The following ZNF133 variants were observed in gnomAD, a reference collection of about 807,000 sequenced individuals.
ZNF133 encodes the protein zinc finger protein 133 (clone pHZ-13).
In ZNF133, 26 loss-of-function variants were observed where a neutral mutation model predicts 54.9. That is an observed-to-expected ratio of 0.47 (90% CI 0.35 to 0.66). The LOEUF (loss-of-function observed/expected upper bound fraction) is 0.66. Among genes scored for constraint, ZNF133 ranks in the 30% least tolerant of loss-of-function variants. ZNF133 has a pLI of 0.01. For missense variants in ZNF133, 653 were observed against 820.8 expected (o/e 0.80, Z 2.50); for synonymous variants, 298 against 320.3 (o/e 0.93, Z 0.74).
intron 1 of ZNF133, among the ~76,000 whole-genome samples, chr20:18,294,266 G>C (rs2041757587): frequency 6.6e-6 from 1 of 152,084 alleles, no homozygotes; most frequent in Non-Finnish European, 1.5e-5. Context: ...TTCTAATCAT[G>C]AAAAAACATC....
At chr20:18,301,959 C>T (rs563316564) in intron 3 of ZNF133, among the ~76,000 whole-genome samples, 2 of 152,248 alleles carry the variant, frequency 1.3e-5, no homozygotes, top group East Asian at 3.9e-4. Context: ...AAAGACACTA[C>T]AAGAAAATTA....
Position 18,305,034 on chromosome 20 carries a change from A to G in ZNF133, c.-151A>G. The G allele has an allele frequency of 1.0e-6, 1 of 985,444 alleles. No individual in the cohort carries two copies. Among genetic ancestry groups the G allele is most frequent in the Non-Finnish European group, 1.2e-6 (1 of 829,960 alleles). 61.0% of individuals were successfully genotyped at this position (985,444 alleles called of 1,614,324 possible). Reference sequence around the variant, plus strand: ...GTGTCCTCCATTTGGAAGTAGTGCTAAGAAAATTAAAAGAATAAAACTGGG... The same window carrying G: ...GTGTCCTCCATTTGGAAGTAGTGCTGAGAAAATTAAAAGAATAAAACTGGG... On this transcript the variant is annotated 5_prime_UTR_variant, in exon 4 of 7. Coordinates refer to ENST00000425686, the MANE Select transcript of ZNF133 (RefSeq NM_001352452.2). The surrounding 1 kb of genome is among the most constrained non-coding windows in gnomAD (Gnocchi z 4.7).
intron 1 of ZNF133, among the ~76,000 whole-genome samples, chr20:18,294,712 C>T (rs1485752640): frequency 6.6e-6 from 1 of 152,132 alleles, no homozygotes; most frequent in East Asian, 1.9e-4. Context: ...GAGTATCTTA[C>T]ATGTAGAGAG....
chr20:18,304,317 A>G (rs994642578), intron 3 of ZNF133, among the ~76,000 whole-genome samples: 1 of 152,192 alleles, frequency 6.6e-6, no homozygotes, highest in Admixed American at 6.5e-5. Flanking sequence ...TGCGGGTGGG[A>G]ATGCAAAATG....
intron 6 of ZNF133, among the ~76,000 whole-genome samples, chr20:18,309,162 C>G (rs1022659800): frequency 6.6e-6 from 1 of 152,168 alleles, no homozygotes; most frequent in Non-Finnish European, 1.5e-5. Context: ...CCCACCCTTA[C>G]GACCTTATTT....
intron 3 of ZNF133, among the ~76,000 whole-genome samples, chr20:18,304,004 A>G (rs1780495489): frequency 6.6e-6 from 1 of 152,226 alleles, no homozygotes; most frequent in South Asian, 2.1e-4. Flanking sequence ...TGCAAGTCAC[A>G]TATCTGATAA....
chr20:18,301,343 T>C (rs1471811345), intron 3 of ZNF133, among the ~76,000 whole-genome samples: 1 of 151,902 alleles, frequency 6.6e-6, no homozygotes, highest in Admixed American at 6.6e-5. Context: ...CAACCTAATT[T>C]TACAACTTAG....
chr20:18,302,738 C>T (rs1267893658), intron 3 of ZNF133, among the ~76,000 whole-genome samples: 2 of 152,134 alleles, frequency 1.3e-5, no homozygotes, highest in East Asian at 1.9e-4. Context: ...TGGGAAAAAG[C>T]GAAGTTATCT....
chr20:18,315,538 G>C lies in ZNF133; in HGVS notation c.687G>C (p.Leu229=). The change falls in exon 7 of 7, where the codon CTG becomes CTC. Residue 229 remains leucine, a synonymous_variant. Transcript: ENST00000425686. ...CGLSFSKMTN[L]LSHQRIHSGE... is the part of the protein sequence containing the mutation. ...TGAGCTTCAGCAAGATGACAAACCT[G>C]CTCAGTCACCAGCGGATACACTCAG... is the stretch of plus-strand genomic sequence containing the variant. The C allele has an allele frequency of 6.2e-7, 1 of 1,614,204 alleles. No homozygotes were observed. Among genetic ancestry groups the C allele is most frequent in the Non-Finnish European group, 8.5e-7 (1 of 1,180,040 alleles).
Position 18,315,399 on chromosome 20 carries a change from G to A in ZNF133, c.548G>A (p.Gly183Glu), listed in dbSNP as rs372532330. 1.6e-5 allele frequency: 26 copies of A among 1,614,124 alleles called. No homozygotes were observed. The East Asian group carries it at 3.1e-4, about 19-fold the overall frequency. ...GTCAGCTCTCGGAACGGCCTCAGAG[G>A]GGTGGAGTTAGAAGCCAGCCCAGCT... ...QPVSSRNGLR[G>E]VELEASPAQS... Residue 183 changes from glycine to glutamate, a missense_variant, in exon 7 of 7, where the codon GGG (glycine) becomes GAG (glutamate). Gly to Glu is a moderately conservative substitution (Grantham distance 98, BLOSUM62 -2). This residue lies in a region of ZNF133 where 227 missense variants were observed against 233.9 expected (regional missense o/e 0.97). Coordinates refer to ENST00000425686, the MANE Select transcript of ZNF133 (RefSeq NM_001352452.2).
At position 18,315,284 on chromosome 20, in the gene ZNF133, G is replaced by A; in HGVS notation, c.433G>A (p.Gly145Ser). Residue 145 changes from glycine (G) to serine (S), a missense_variant, in exon 7 of 7, where the codon GGT becomes AGT. This residue lies in a region of ZNF133 where 227 missense variants were observed against 233.9 expected (regional missense o/e 0.97). Transcript: ENST00000425686. ...GAGACCCTGGAGTGATCAAGCAGAAGGTCCTGAGGGAGAAGGTGCCATGCC... is the reference window on the plus strand; with the variant it reads ...GAGACCCTGGAGTGATCAAGCAGAAAGTCCTGAGGGAGAAGGTGCCATGCC... Reference protein sequence around the residue: ...EGRPWSDQAEGPEGEGAMPLF... With the variant: ...EGRPWSDQAESPEGEGAMPLF... The A allele has an allele frequency of 6.2e-7, 1 of 1,614,094 alleles. No individual in the cohort carries two copies.
intron 1 of ZNF133, 47 bp downstream of exon 1, chr20:18,288,651 T>A (rs2040182389): frequency 5.0e-6 from 2 of 398,434 alleles, no homozygotes; most frequent in Non-Finnish European, 8.8e-6. Context: ...TACCCTTTTC[T>A]GCGCGAAAAG....
intron 6 of ZNF133, among the ~76,000 whole-genome samples, chr20:18,308,287 CTT>C (rs879706950): frequency 6.6e-6 from 1 of 152,032 alleles, no homozygotes; most frequent in South Asian, 2.1e-4. Flanking sequence ...ATTTTCTCCT[CTT>C]GTTTTTATTA....
At chr20:18,300,764 T>C (rs1008208699) in intron 3 of ZNF133, among the ~76,000 whole-genome samples, 7 of 152,034 alleles carry the variant, frequency 4.6e-5, no homozygotes, top group African/African-American at 1.7e-4. Flanking sequence ...CAAGAAGATA[T>C]AGAAATTATA....
intron 1 of ZNF133, among the ~76,000 whole-genome samples, chr20:18,296,945 A>G (rs2042348702): frequency 6.6e-6 from 1 of 152,134 alleles, no homozygotes; most frequent in African/African-American, 2.4e-5. Context: ...TTTTGTTTAG[A>G]GTCACTTTGG....
At chr20:18,294,699 A>C (rs1050778382) in intron 1 of ZNF133, among the ~76,000 whole-genome samples, 2 of 152,202 alleles carry the variant, frequency 1.3e-5, no homozygotes, top group Non-Finnish European at 1.5e-5. Context: ...GAGTTTTGGT[A>C]AAGAGTATCT....
chr20:18,316,120 A>T lies in ZNF133; in HGVS notation c.1269A>T (p.Ser423=). The change falls in exon 7 of 7, where the codon TCA becomes TCT. Residue 423 remains serine, a synonymous_variant. Transcript: ENST00000425686. ...GTGGGCACAGCTTCAGCCAGAATTCAACCCTCATCTCTCACAGGCGGACAC... is the reference window on the plus strand; with the variant it reads ...GTGGGCACAGCTTCAGCCAGAATTCTACCCTCATCTCTCACAGGCGGACAC... ...GVCGHSFSQN[S]TLISHRRTHT... 1 of 1,612,672 alleles carries T rather than the reference A, an allele frequency of 6.2e-7. No homozygotes were observed. Among genetic ancestry groups the T allele is most frequent in the Non-Finnish European group, 8.5e-7 (1 of 1,179,180 alleles).
chr20:18,305,144 TG>T lies in ZNF133; in HGVS notation c.-39del. The T allele has an allele frequency of 1.0e-6, 1 of 987,250 alleles. No individual in the cohort carries two copies. Among genetic ancestry groups the T allele is most frequent in the African/African-American group, 1.7e-5 (1 of 57,362 alleles). The allele number at this position is 987,250 out of a possible 1,614,324, so 61.2% of individuals were successfully genotyped here. The stretch of plus-strand genomic sequence containing the variant: ...ATGGTGAGCACTCACAGTCTAAGGC[TG>T]GAAGTTTAATGAACTGTTTTCTACA... On this transcript the variant is annotated 5_prime_UTR_variant, in exon 4 of 7. An upstream open reading frame in the 5' UTR loses its in-frame stop. Coordinates refer to ENST00000425686, the MANE Select transcript of ZNF133 (RefSeq NM_001352452.2). The surrounding 1 kb of genome is among the most constrained non-coding windows in gnomAD (Gnocchi z 4.7).
intron 6 of ZNF133, among the ~76,000 whole-genome samples, chr20:18,311,829 G>A (rs1027712440): frequency 3.3e-5 from 5 of 152,152 alleles, no homozygotes; most frequent in Non-Finnish European, 5.9e-5. Flanking sequence ...GTAGATTCAC[G>A]TAATTTCTGG....
Sources: allele counts gnomAD v4.1 joint callset (sites outside exome capture counted in the v4.1 genomes callset), GRCh38; gene constraint gnomAD v4.1.1; regional missense constraint gnomAD v4.1.1; non-coding constraint Gnocchi (gnomAD v3.1); transcripts MANE v1.5; gene names NCBI Gene and HGNC (gene_info 2026-07-23, HGNC 2026-07-21).